The following FKBP5 variants were observed in gnomAD, a reference collection of about 807,000 sequenced individuals.
The protein encoded by FKBP5 is peptidyl-prolyl cis-trans isomerase FKBP5.
In FKBP5, 23 loss-of-function variants were observed where a neutral mutation model predicts 50.5. The observed-to-expected ratio is 0.46, with a 90% CI of 0.33 to 0.65. The LOEUF (loss-of-function observed/expected upper bound fraction) is 0.65. Ranked by LOEUF, FKBP5 falls within the 30% of genes least tolerant of loss-of-function variation. The pLI, the probability that FKBP5 is intolerant of heterozygous loss-of-function variation, is 0.02. For missense variants in FKBP5, 411 were observed against 553.1 expected (o/e 0.74, Z 2.58); for synonymous variants, 176 against 190.6 (o/e 0.92, Z 0.63).
intron 4 of FKBP5, 114 bp from the exon 5 acceptor site, chr6:35,619,324 A>G (rs1763754925): frequency 4.8e-6 from 3 of 626,600 alleles, no homozygotes; most frequent in African/African-American, 1.8e-5. Flanking sequence ...GTTTTAAAAT[A>G]TATACATTCA....
intron 2 of FKBP5, among the ~76,000 whole-genome samples, chr6:35,711,972 C>G (rs12197605): frequency 6.6e-6 from 1 of 150,530 alleles, no homozygotes; most frequent in East Asian, 2.0e-4. Context: ...GAACTCCTGG[C>G]TCATGATCCT....
chr6:35,598,714 G>A (rs1763057411), intron 5 of FKBP5, among the ~76,000 whole-genome samples: 1 of 152,080 alleles, frequency 6.6e-6, no homozygotes, highest in Admixed American at 6.5e-5. Context: ...GCTCACGCCT[G>A]TAATCCCACA....
rs143018638 is a variant in FKBP5, at chr6:35,711,915, C to T, written c.-20+8413G>A. On this transcript the variant is annotated intron_variant, in intron 2 of 11. Transcript: ENST00000536438. ...GTTTTTTGAGACAGTCTCGCTCTAT[C>T]GCCCAGGCTAGAGTGCAGTGGTGCA... Among the ~76,000 whole-genome samples the T allele has an allele frequency of 8.3e-3, 1,262 of 151,940 alleles. 14 individuals carry two copies. The highest frequency in any genetic ancestry group is 0.011 in the Non-Finnish European group (766 of 67,964).
At chr6:35,636,193 T>C (rs1039938707) in intron 3 of FKBP5, among the ~76,000 whole-genome samples, 11 of 152,156 alleles carry the variant, frequency 7.2e-5, no homozygotes, top group African/African-American at 2.4e-4. Flanking sequence ...CCCACCAATC[T>C]CATCAGAAAA....
At position 35,580,240 on chromosome 6, in the gene FKBP5, A is replaced by G. The variant is rs1428208953; in HGVS notation, c.841-19T>C. 5 of 1,602,574 alleles carry G rather than the reference A, an allele frequency of 3.1e-6. No homozygotes were observed. Among genetic ancestry groups the G allele is most frequent in the Non-Finnish European group, 4.3e-6 (5 of 1,172,062 alleles). On this transcript the variant is annotated intron_variant, in intron 8 of 10. Transcript: ENST00000357266. The stretch of plus-strand genomic sequence containing the variant: ...TGCCTCCCTAGGATAAAAAAGCGTC[A>G]TTACTTGTACTCAGCTCTTGAGGGG...
chr6:35,708,574 G>A (rs1228384826), intron 2 of FKBP5, among the ~76,000 whole-genome samples: 5 of 71,776 alleles, frequency 7.0e-5, no homozygotes, highest in Non-Finnish European at 1.2e-4. Flanking sequence ...ATTCTATATA[G>A]CATTTTTTTT....
rs535877099 is a variant in FKBP5 at position 35,619,184 on chromosome 6, C to T, written c.420G>A (p.Glu140=). ...FEIELLDFKG[E]DLFEDGGIIR... ...TAATGCCTCCATCTTCAAATAAATC[C>T]TCTCCTTTGAAATCAAGGAGCTCAA... The change falls in exon 5 of 11, where the codon GAG becomes GAA. Residue 140 remains glutamate (E), a synonymous_variant. Coordinates refer to ENST00000357266, the MANE Select transcript of FKBP5 (RefSeq NM_004117.4). The T allele has an allele frequency of 5.7e-5, 92 of 1,613,628 alleles. No homozygotes were observed. The South Asian group carries it at 9.1e-4, about 16-fold the overall frequency.
At chr6:35,677,065 T>C (rs1393062363) in intron 1 of FKBP5, among the ~76,000 whole-genome samples, 2 of 151,974 alleles carry the variant, frequency 1.3e-5, no homozygotes. Context: ...TGGATTTTTG[T>C]TTTGTTTTGT....
intron 5 of FKBP5, among the ~76,000 whole-genome samples, chr6:35,610,144 T>C (rs1334949629): frequency 1.3e-5 from 2 of 152,194 alleles, no homozygotes; most frequent in African/African-American, 2.4e-5. Flanking sequence ...TTCACAAATA[T>C]TTATTAAGCA....
At chr6:35,607,790 C>T (rs968292964) in intron 5 of FKBP5, 2 of 223,450 alleles carry the variant, frequency 9.0e-6, no homozygotes, top group Admixed American at 8.6e-5. Context: ...CCCATACGAG[C>T]GGTGCACCAT....
chr6:35,663,762 G>C (rs935475684), intron 1 of FKBP5, among the ~76,000 whole-genome samples: 1 of 152,100 alleles, frequency 6.6e-6, no homozygotes, highest in Non-Finnish European at 1.5e-5. Context: ...TATCAGAGTT[G>C]TTTTACTGTT....
chr6:35,709,572 T>G lies in FKBP5; in HGVS notation c.-20+10756A>C, dbSNP rs540006795. ...AGTTTTAAACTAATTAAAAAATGAT[T>G]TGTATTTCTAAACCATAACAATTTG... On this transcript the variant is annotated intron_variant, in intron 2 of 11. Transcript: ENST00000536438. Among the ~76,000 whole-genome samples the G allele has an allele frequency of 1.8e-4, 27 of 152,348 alleles. No individual in the cohort carries two copies. The East Asian group carries it at 4.4e-3, about 25-fold the overall frequency.
At chr6:35,676,484 C>T (rs1015508226) in intron 1 of FKBP5, among the ~76,000 whole-genome samples, 5 of 152,216 alleles carry the variant, frequency 3.3e-5, no homozygotes, top group Non-Finnish European at 7.3e-5. Context: ...AATTTTAACA[C>T]GCCCAAGATC....
At chr6:35,617,321 CT>C (rs995437172) in intron 5 of FKBP5, among the ~76,000 whole-genome samples, 12 of 145,896 alleles carry the variant, frequency 8.2e-5, no homozygotes, top group Admixed American at 6.9e-5. Context: ...GAACTCTTTA[CT>C]TTTTTTTTTT....
At chr6:35,726,516 C>A (rs1274902262) in intron 1 of FKBP5, among the ~76,000 whole-genome samples, 1 of 148,408 alleles carries the variant, frequency 6.7e-6, no homozygotes, top group African/African-American at 2.5e-5. Flanking sequence ...TCACGTCCAC[C>A]CCTCCCATCT....
intron 1 of FKBP5, among the ~76,000 whole-genome samples, chr6:35,683,092 AAAAGT>A (rs1765717338): frequency 6.6e-6 from 1 of 150,946 alleles, no homozygotes; most frequent in African/African-American, 2.4e-5. Flanking sequence ...CTTTAAAAAA[AAAAGT>A]GTGTGTGTAT....
At chr6:35,693,429 C>CTGGGATTACAGG (rs1490273427), upstream of FKBP5, among the ~76,000 whole-genome samples, 8 of 151,868 alleles carry the variant, frequency 5.3e-5, no homozygotes, top group Non-Finnish European at 8.8e-5. Context: ...TCCCAAAGTG[C>CTGGGATTACAGG]TGGGATTACA....
intron 8 of FKBP5, chr6:35,586,093 A>G (rs777386533): frequency 6.1e-6 from 6 of 985,102 alleles, no homozygotes; most frequent in Admixed American, 6.2e-5. Context: ...AAACCTTGAC[A>G]GAACTCCCAT....
intron 8 of FKBP5, chr6:35,582,503 G>T: frequency 2.5e-6 from 1 of 395,092 alleles, no homozygotes; most frequent in Non-Finnish European, 3.4e-6. Context: ...CATGCATGTG[G>T]AAAGGCCATG....
Sources: gnomAD v4.1 joint callset for allele counts (sites outside exome capture counted in the v4.1 genomes callset) on GRCh38, gnomAD v4.1.1 for gene constraint, MANE v1.5 for transcripts, NCBI Gene and HGNC (gene_info 2026-07-23, HGNC 2026-07-21) for gene names.